RBPJ: variants seen among roughly 807,000 people sequenced by gnomAD.
The protein encoded by RBPJ is recombination signal binding protein for immunoglobulin kappa J region.
A neutral mutation model predicts 67.8 loss-of-function variants in RBPJ; 9 were observed. The ratio of observed to expected loss-of-function variants is 0.13; its 90% CI spans 0.08 to 0.23. The LOEUF is 0.23. Ranked by LOEUF, RBPJ falls within the 10% of genes least tolerant of loss-of-function variation. The pLI is 1.00. For missense variants in RBPJ, 305 were observed against 595.6 expected (o/e 0.51, Z 5.08); for synonymous variants, 198 against 203.3 (o/e 0.97, Z 0.22).
intron 7 of RBPJ, among the ~76,000 whole-genome samples, chr4:26,426,537 T>G (rs1735687495): frequency 1.3e-5 from 2 of 152,220 alleles, no homozygotes; most frequent in South Asian, 4.1e-4. Flanking sequence ...AATTCTGACA[T>G]GCAAAGTCGA....
At chr4:26,142,376 C>T in the RBPJ span, among the ~76,000 whole-genome samples, 2 of 152,194 alleles carry the variant, frequency 1.3e-5, no homozygotes, top group African/African-American at 4.8e-5. Context: ...CACATCATTC[C>T]AGCCAGAGTG....
At chr4:26,319,256 G>A (rs1486782888), upstream of RBPJ, among the ~76,000 whole-genome samples, 1 of 152,104 alleles carries the variant, frequency 6.6e-6, no homozygotes, top group African/African-American at 2.4e-5. Context: ...CTGCCCTAGA[G>A]CCTGACCTCT....
At chr4:26,106,850 T>C in the RBPJ span, among the ~76,000 whole-genome samples, 1 of 152,166 alleles carries the variant, frequency 6.6e-6, no homozygotes, top group Non-Finnish European at 1.5e-5. Context: ...GTTTTGCACA[T>C]GGACCTGGGA....
At chr4:26,373,346 C>T (rs1729354738) in intron 1 of RBPJ, among the ~76,000 whole-genome samples, 1 of 152,204 alleles carries the variant, frequency 6.6e-6, no homozygotes, top group South Asian at 2.1e-4. Context: ...GGGCAGGCTT[C>T]TCTGAAGTAG....
intron 1 of RBPJ, among the ~76,000 whole-genome samples, chr4:26,347,103 T>C (rs1169077438): frequency 6.6e-6 from 1 of 152,184 alleles, no homozygotes. Context: ...TGAGATGGCC[T>C]TGAGGTAAAA....
intron 1 of RBPJ, among the ~76,000 whole-genome samples, chr4:26,200,680 A>AC (rs929163243): frequency 2.0e-5 from 3 of 151,304 alleles, no homozygotes; most frequent in Non-Finnish European, 3.0e-5. Context: ...AGAAAAAAAA[A>AC]CCCAAGCAAT....
chr4:26,175,256 A>G (rs778415823), intron 1 of RBPJ, among the ~76,000 whole-genome samples: 1 of 152,182 alleles, frequency 6.6e-6, no homozygotes, highest in Non-Finnish European at 1.5e-5. Context: ...TCGGATGCTC[A>G]GAGGAGGGAA....
chr4:26,316,697 GTA>G (rs1234947541), upstream of RBPJ, among the ~76,000 whole-genome samples: 55 of 127,810 alleles, frequency 4.3e-4, no homozygotes, highest in South Asian at 2.3e-3. Context: ...CACATATTGT[GTA>G]TATATATATA....
At position 26,430,487 on chromosome 4, in the gene RBPJ, G is replaced by A; in HGVS notation, c.1113G>A (p.Val371=). ...AGAATTTCACTCCAAATTTACGAGTGTGGTTTGGGGATGTAGAAGCTGAAA... is the reference window on the plus strand; with the variant it reads ...AGAATTTCACTCCAAATTTACGAGTATGGTTTGGGGATGTAGAAGCTGAAA... ...TGQNFTPNLR[V]WFGDVEAETM... is the part of the protein sequence containing the mutation. The change falls in exon 10 of 11, where the codon GTG becomes GTA. Residue 371 remains valine, a synonymous_variant. Transcript: ENST00000355476. This position sits in a 1 kb window ranked among gnomAD's most constrained non-coding sequence, Gnocchi z 4.1. 2 of 1,607,290 alleles carry A rather than the reference G, an allele frequency of 1.2e-6. No individual in the cohort carries two copies. The highest frequency in any genetic ancestry group is 8.5e-7 in the Non-Finnish European group (1 of 1,178,214).
At chr4:26,363,592 C>G (rs1487579599) in intron 1 of RBPJ, among the ~76,000 whole-genome samples, 1 of 152,134 alleles carries the variant, frequency 6.6e-6, no homozygotes, top group Non-Finnish European at 1.5e-5. Flanking sequence ...GTGCCCGCCA[C>G]CACGCCCTGC....
At chr4:26,112,533 G>A in the RBPJ span, 2 of 143,982 alleles carry the variant, frequency 1.4e-5, no homozygotes, top group South Asian at 2.2e-4. Context: ...AGGCTTCTAT[G>A]AGGAGGCAGC....
intron 2 of RBPJ, among the ~76,000 whole-genome samples, chr4:26,405,670 T>C (rs1421740025): frequency 2.0e-5 from 3 of 152,188 alleles, no homozygotes; most frequent in Non-Finnish European, 2.9e-5. Flanking sequence ...TTGGTCCTTA[T>C]AGGATTGTCA....
chr4:26,282,560 GC>G (rs1721310534), intron 1 of RBPJ, among the ~76,000 whole-genome samples: 1 of 147,900 alleles, frequency 6.8e-6, no homozygotes, highest in African/African-American at 2.5e-5. Context: ...CACTGTTGTT[GC>G]CCAGGCTGAA....
At chr4:26,308,802 C>G (rs1021487674) in intron 1 of RBPJ, among the ~76,000 whole-genome samples, 4 of 152,148 alleles carry the variant, frequency 2.6e-5, no homozygotes, top group African/African-American at 9.7e-5. Flanking sequence ...AATACAGATG[C>G]AAAGAGTGAA....
the RBPJ span, among the ~76,000 whole-genome samples, chr4:26,143,032 T>A: frequency 6.6e-6 from 1 of 152,222 alleles, no homozygotes; most frequent in Admixed American, 6.5e-5. Flanking sequence ...TCCACCTACC[T>A]TGGCCTCCCA....
At chr4:26,318,129 GCACACACACA>G (rs33941779), upstream of RBPJ, among the ~76,000 whole-genome samples, 5 of 146,764 alleles carry the variant, frequency 3.4e-5, no homozygotes, top group Non-Finnish European at 7.5e-5. Flanking sequence ...ACACACACAC[GCACACACACA>G]CACACACACA....
At position 26,339,113 on chromosome 4, in the gene RBPJ, G is replaced by T. The variant is rs181882872; in HGVS notation, c.20+18065G>T. 5.7e-3 allele frequency among the ~76,000 whole-genome samples: 871 copies of T among 152,196 alleles called. 6 individuals are homozygous for T. Among genetic ancestry groups the T allele is most frequent in the African/African-American group, 0.02 (820 of 41,520 alleles). On this transcript the variant is annotated intron_variant, in intron 1 of 10. Transcript: ENST00000355476. ...TGGGATTACAGGTGTGAGCCACTGT[G>T]CCAGCCTTATATTTTTATATTGTGT... is the stretch of plus-strand genomic sequence containing the variant.
intron 1 of RBPJ, among the ~76,000 whole-genome samples, chr4:26,213,310 A>C (rs536331323): frequency 6.6e-6 from 1 of 152,324 alleles, no homozygotes; most frequent in Non-Finnish European, 1.5e-5. Context: ...GGTGGGAAGA[A>C]AATCCCCCAA....
chr4:26,189,436 T>G (rs1717397672), intron 1 of RBPJ, among the ~76,000 whole-genome samples: 1 of 152,140 alleles, frequency 6.6e-6, no homozygotes, highest in South Asian at 2.1e-4. Context: ...GACAGGCAGA[T>G]CACTTGGGGT....
Sources: allele counts gnomAD v4.1 joint callset (sites outside exome capture counted in the v4.1 genomes callset), GRCh38; gene constraint gnomAD v4.1.1; non-coding constraint Gnocchi (gnomAD v3.1); transcripts MANE v1.5; gene names NCBI Gene and HGNC (gene_info 2026-07-23, HGNC 2026-07-21).